The following NAV2 variants were observed in gnomAD, a reference collection of about 807,000 sequenced individuals.
The protein encoded by NAV2 is neuron navigator 2.
A neutral mutation model predicts 223.2 loss-of-function variants in NAV2; 54 were observed. That is an observed-to-expected ratio of 0.24 (90% confidence interval 0.19 to 0.30). NAV2 has a LOEUF of 0.30. Among genes scored for constraint, NAV2 ranks in the 10% least tolerant of loss-of-function variants. The pLI is 1.00. For missense variants in NAV2, 2,806 were observed against 3,147.5 expected (o/e 0.89, Z 2.60); for synonymous variants, 1,279 against 1,239.3 (o/e 1.03, Z -0.67).
At chr11:20,026,448 C>A (rs2055083134) in intron 11 of NAV2, among the ~76,000 whole-genome samples, 1 of 152,020 alleles carries the variant, frequency 6.6e-6, no homozygotes, top group Non-Finnish European at 1.5e-5. Flanking sequence ...GTAGCTAGGA[C>A]TACAGGTGCC....
At chr11:19,923,651 C>T (rs1591262528) in intron 6 of NAV2, among the ~76,000 whole-genome samples, 1 of 152,198 alleles carries the variant, frequency 6.6e-6, no homozygotes. Flanking sequence ...CAATAGTGTA[C>T]AGCCATTGCA....
chr11:20,061,587 A>G (rs1024017959), intron 19 of NAV2, among the ~76,000 whole-genome samples: 1 of 150,762 alleles, frequency 6.6e-6, no homozygotes, highest in African/African-American at 2.4e-5. Context: ...AAAAAAAAAG[A>G]TGTCTCCACT....
intron 22 of NAV2, among the ~76,000 whole-genome samples, chr11:20,070,424 C>T (rs970816609): frequency 2.0e-5 from 3 of 152,130 alleles, no homozygotes; most frequent in Non-Finnish European, 4.4e-5. Context: ...TTAATTGTTC[C>T]AGTGACCTCG....
At chr11:19,672,649 G>T (rs1381138988) in intron 1 of NAV2, among the ~76,000 whole-genome samples, 1 of 152,112 alleles carries the variant, frequency 6.6e-6, no homozygotes, top group East Asian at 1.9e-4. Context: ...TATGCTGAGG[G>T]TAATTGACAC....
chr11:19,678,939 C>CA (rs1442842389), intron 1 of NAV2, among the ~76,000 whole-genome samples: 1 of 152,226 alleles, frequency 6.6e-6, no homozygotes, highest in African/African-American at 2.4e-5. Flanking sequence ...CGACCTCTCT[C>CA]AGGCCAGATC....
intron 7 of NAV2, among the ~76,000 whole-genome samples, chr11:19,938,518 A>G (rs2046119194): frequency 6.6e-6 from 1 of 152,224 alleles, no homozygotes; most frequent in African/African-American, 2.4e-5. Context: ...AAATGCAGAT[A>G]TTTATTGTGA....
At chr11:19,970,288 G>C (rs191689041) in intron 10 of NAV2, among the ~76,000 whole-genome samples, 15 of 152,186 alleles carry the variant, frequency 9.9e-5, no homozygotes, top group African/African-American at 3.6e-4. Flanking sequence ...CCTGTCTCAC[G>C]CTCCCAAATA....
chr11:19,449,474 A>G (rs1036209008), intron 1 of NAV2, among the ~76,000 whole-genome samples: 1 of 151,876 alleles, frequency 6.6e-6, no homozygotes, highest in Non-Finnish European at 1.5e-5. Context: ...CCAACCCCAC[A>G]GGGAGGGCTG....
At chr11:19,438,133 A>T (rs1201093136) in intron 1 of NAV2, among the ~76,000 whole-genome samples, 3 of 152,116 alleles carry the variant, frequency 2.0e-5, no homozygotes, top group Non-Finnish European at 4.4e-5. Flanking sequence ...CCCTTGTTCT[A>T]TAGTCATTTC....
chr11:19,483,618 G>A (rs1374389698), intron 1 of NAV2, among the ~76,000 whole-genome samples: 4 of 152,184 alleles, frequency 2.6e-5, no homozygotes, highest in African/African-American at 9.6e-5. Context: ...GGAAAAAAAT[G>A]CATACTAGTT....
intron 1 of NAV2, among the ~76,000 whole-genome samples, chr11:19,482,232 G>A (rs1246077160): frequency 6.6e-6 from 1 of 152,122 alleles, no homozygotes; most frequent in Non-Finnish European, 1.5e-5. Context: ...TGAAACTGAA[G>A]CCCATCTACG....
chr11:19,666,438 G>T (rs114725505), intron 1 of NAV2, among the ~76,000 whole-genome samples: 2 of 152,158 alleles, frequency 1.3e-5, no homozygotes, highest in Non-Finnish European at 2.9e-5. Flanking sequence ...AGCAGCCGTA[G>T]GCAGCAGAAA....
intron 1 of NAV2, among the ~76,000 whole-genome samples, chr11:19,706,862 A>T (rs2152295806): frequency 6.6e-6 from 1 of 152,322 alleles, no homozygotes; most frequent in Middle Eastern, 3.4e-3. Context: ...GTACATTTTC[A>T]CAAACCTAGA....
At chr11:19,884,176 CA>C (rs753946730) in intron 5 of NAV2, 20 of 678,524 alleles carry the variant, frequency 2.9e-5, no homozygotes, top group South Asian at 4.1e-5. Flanking sequence ...AAACAGTGGG[CA>C]GGGGGGGAAA....
At chr11:19,368,689 C>G (rs1848371630) in intron 1 of NAV2, among the ~76,000 whole-genome samples, 1 of 152,076 alleles carries the variant, frequency 6.6e-6, no homozygotes, top group African/African-American at 2.4e-5. Flanking sequence ...AACTAAAGGA[C>G]CTGAAGCTAA....
chr11:19,636,489 A>ATTTTT (rs5790080), intron 1 of NAV2, among the ~76,000 whole-genome samples: 1 of 136,240 alleles, frequency 7.3e-6, no homozygotes, highest in African/African-American at 2.7e-5. Flanking sequence ...GTTCTGCAGT[A>ATTTTT]TTTTTTTTTT....
At chr11:19,701,218 G>A (rs2049503365) in intron 1 of NAV2, among the ~76,000 whole-genome samples, 1 of 152,108 alleles carries the variant, frequency 6.6e-6, no homozygotes, top group Non-Finnish European at 1.5e-5. Context: ...GTTGGTGGGG[G>A]GTCTGCCAGA....
At chr11:19,906,469 T>A (rs1188918833) in intron 6 of NAV2, among the ~76,000 whole-genome samples, 1 of 152,188 alleles carries the variant, frequency 6.6e-6, no homozygotes, top group Non-Finnish European at 1.5e-5. Context: ...TCTACCACAA[T>A]AAACAGGTTG....
At chr11:19,798,564 C>T (rs1014670793) in intron 1 of NAV2, among the ~76,000 whole-genome samples, 1 of 152,098 alleles carries the variant, frequency 6.6e-6, no homozygotes, top group Non-Finnish European at 1.5e-5. Context: ...CACGGGGAGC[C>T]CTCATGCTTG....
Sources: allele counts gnomAD v4.1 joint callset (sites outside exome capture counted in the v4.1 genomes callset), GRCh38; gene constraint gnomAD v4.1.1; transcripts MANE v1.5; gene names NCBI Gene and HGNC (gene_info 2026-07-23, HGNC 2026-07-21).